ZNF442: variants seen among roughly 807,000 people sequenced by gnomAD.
The protein encoded by ZNF442 is zinc finger protein 442.
Under a neutral mutation model 57.0 loss-of-function variants are expected in ZNF442, and 45 were observed. That is an observed-to-expected ratio of 0.79 (90% CI 0.62 to 1.01). The LOEUF is 1.01. Ranked by LOEUF, ZNF442 falls within the 50% of genes least tolerant of loss-of-function variation. The probability of loss-of-function intolerance (pLI) is 0.00; values close to 1 mark genes in which losing one functional copy is unlikely to be tolerated. For missense variants in ZNF442, 690 were observed against 756.5 expected, an observed-to-expected ratio of 0.91 and a Z score of 1.03; for synonymous variants, 213 against 241.8, an observed-to-expected ratio of 0.88 and a Z score of 1.10.
intron 3 of ZNF442, among the ~76,000 whole-genome samples, chr19:12,361,074 C>G (rs1298416637): frequency 6.6e-6 from 1 of 151,374 alleles, no homozygotes; most frequent in Non-Finnish European, 1.5e-5. Context: ...GCCTATAATC[C>G]CAGCTACTCG....
chr19:12,369,798 C>G (rs1969566586), upstream of ZNF442, among the ~76,000 whole-genome samples: 1 of 150,398 alleles, frequency 6.6e-6, no homozygotes, highest in South Asian at 2.1e-4. Flanking sequence ...CCCAGCTACT[C>G]AGGAGGCTGA....
Position 12,351,132 on chromosome 19 carries a change from C to T in ZNF442, c.453G>A (p.Lys151=), listed in dbSNP as rs756698924. The T allele has an allele frequency of 1.9e-6, 3 of 1,614,122 alleles. No individual in the cohort carries two copies. In the East Asian group the frequency reaches 6.7e-5, roughly 36 times the overall value. Residue 151 remains lysine (K), a synonymous_variant, in exon 6 of 6, where the codon AAG becomes AAA. Coordinates refer to ENST00000242804, the MANE Select transcript of ZNF442 (RefSeq NM_030824.3). ...TCCCACATTGTTTATGTGTATGTGG[C>T]TTCTCTCCATATTCCTGACACTCAT... ...KPDECQEYGE[K]PHTHKQCGTA... is the part of the protein sequence containing the mutation.
the ZNF442 span, among the ~76,000 whole-genome samples, chr19:12,370,972 C>CAA: frequency 3.0e-5 from 2 of 66,072 alleles, no homozygotes; most frequent in Non-Finnish European, 3.0e-5. Flanking sequence ...GACCCCATCT[C>CAA]AAAAAAAAAA....
At chr19:12,369,964 A>G (rs1969568041), upstream of ZNF442, among the ~76,000 whole-genome samples, 1 of 151,482 alleles carries the variant, frequency 6.6e-6, no homozygotes, top group Admixed American at 6.6e-5. Context: ...GGGGATTTTC[A>G]TCTTACAATA....
Position 12,350,722 on chromosome 19 carries a change from G to A in ZNF442, c.863C>T (p.Thr288Ile). The A allele has an allele frequency of 6.2e-7, 1 of 1,614,090 alleles. No homozygotes were observed. Residue 288 changes from threonine to isoleucine, a missense_variant, in exon 6 of 6, where the codon ACT becomes ATT. Thr to Ile is a moderately conservative substitution (Grantham distance 89). Transcript: ENST00000242804. The stretch of plus-strand genomic sequence containing the variant: ...TTTACATTTATAGGGTTTTTCTCCA[G>A]TGTGAGTTCTTTCATGTCTTACATA... ...SSYVRHERTH[T>I]GEKPYKCKRC...
intron 1 of ZNF442, 58 bp downstream of exon 1, chr19:12,365,475 T>C: frequency 2.3e-6 from 1 of 437,710 alleles, no homozygotes; most frequent in Non-Finnish European, 4.2e-6. Flanking sequence ...CAGCCGGTTC[T>C]GGCCGGTTCC....
intron 3 of ZNF442, among the ~76,000 whole-genome samples, chr19:12,357,446 GGTT>G (rs1360061136): frequency 1.0e-4 from 15 of 150,408 alleles, no homozygotes; most frequent in African/African-American, 3.4e-4. Context: ...CCACCTCCTG[GGTT>G]CAAGCCATTC....
chr19:12,354,319 T>C (rs1969290245), intron 3 of ZNF442, among the ~76,000 whole-genome samples: 2 of 152,162 alleles, frequency 1.3e-5, no homozygotes, highest in Non-Finnish European at 2.9e-5. Flanking sequence ...ACCATCCCAA[T>C]GCAAGAATTT....
rs747262893 is a variant in ZNF442, at chr19:12,347,162, T to C, written c.*2539A>G. ...TATTTGAGATATATTTCACTACAAGTTATTCTCATGAATACTTCAATGAAA... is the reference window on the plus strand; with the variant it reads ...TATTTGAGATATATTTCACTACAAGCTATTCTCATGAATACTTCAATGAAA... On this transcript the variant is annotated 3_prime_UTR_variant, in exon 6 of 6. Transcript: ENST00000242804. 5 of 152,192 alleles carry C rather than the reference T, an allele frequency of 3.3e-5. No homozygotes were observed. Among genetic ancestry groups the C allele is most frequent in the African/African-American group, 1.2e-4 (5 of 41,446 alleles). The allele number at this position is 152,192 out of a possible 1,614,324, so 9.4% of individuals were successfully genotyped here.
At position 12,346,315 on chromosome 19, in the gene ZNF442, T is replaced by C. The variant is rs529516360; in HGVS notation, c.*3386A>G. 2 of 152,064 alleles carry C rather than the reference T, an allele frequency of 1.3e-5. No individual in the cohort carries two copies. Among genetic ancestry groups the C allele is most frequent in the Non-Finnish European group, 2.9e-5 (2 of 67,998 alleles). The allele number at this position is 152,064 out of a possible 1,614,324, so 9.4% of individuals were successfully genotyped here. On this transcript the variant is annotated 3_prime_UTR_variant, in exon 6 of 6. Coordinates refer to ENST00000242804, the MANE Select transcript of ZNF442 (RefSeq NM_030824.3). ...AAAACAAACTGGTTCAAAAAATATA[T>C]AAACAACCAACAAAAACAAAAACCA... is the stretch of plus-strand genomic sequence containing the variant.
At chr19:12,367,260 A>G (rs532454164), upstream of ZNF442, among the ~76,000 whole-genome samples, 224 of 152,320 alleles carry the variant, frequency 1.5e-3, 1 homozygote, top group African/African-American at 5.1e-3. Flanking sequence ...GGCAGGTTCC[A>G]TGATGCCCAC....
chr19:12,359,538 C>T (rs1969388890), intron 3 of ZNF442, among the ~76,000 whole-genome samples: 2 of 152,098 alleles, frequency 1.3e-5, no homozygotes, highest in Middle Eastern at 3.2e-3. Flanking sequence ...GAACAAAATA[C>T]ATCTAAAGAA....
upstream of ZNF442, among the ~76,000 whole-genome samples, chr19:12,369,438 G>T (rs1969563441): frequency 6.6e-6 from 1 of 152,128 alleles, no homozygotes; most frequent in Non-Finnish European, 1.5e-5. Flanking sequence ...GACCGACATG[G>T]AGAAACCCCA....
intron 3 of ZNF442, among the ~76,000 whole-genome samples, chr19:12,354,087 C>T (rs1015792017): frequency 2.5e-4 from 38 of 152,204 alleles, no homozygotes; most frequent in African/African-American, 8.9e-4. Flanking sequence ...TTATAAGCAA[C>T]AAAAAACACA....
Position 12,362,300 on chromosome 19 carries a change from G to T in ZNF442, c.78+1254C>A, listed in dbSNP as rs565789917. Among the ~76,000 whole-genome samples, 582 of 151,472 alleles carry T rather than the reference G, an allele frequency of 3.8e-3. 7 individuals are homozygous for T. The highest frequency in any genetic ancestry group is 0.013 in the African/African-American group (551 of 41,124). On this transcript the variant is annotated intron_variant, in intron 3 of 5. Coordinates refer to ENST00000242804, the MANE Select transcript of ZNF442 (RefSeq NM_030824.3). The stretch of plus-strand genomic sequence containing the variant: ...GAGCATCTCTGCCCAGCTGCCCATC[G>T]TCTGAGATGTGGGGAGCGCCTCTGC...
intron 3 of ZNF442, among the ~76,000 whole-genome samples, chr19:12,363,158 CAAAAAAA>C (rs886442784): frequency 1.3e-4 from 8 of 60,684 alleles, no homozygotes; most frequent in East Asian, 1.4e-3. Flanking sequence ...AGCTCCGTCT[CAAAAAAA>C]AAAAAAAAAA....
chr19:12,346,895 CACAG>C lies in ZNF442; in HGVS notation c.*2802_*2805del, dbSNP rs1969139940. On this transcript the variant is annotated 3_prime_UTR_variant, in exon 6 of 6. Coordinates refer to ENST00000242804, the MANE Select transcript of ZNF442 (RefSeq NM_030824.3). ...CTCTCTCTCTATGAATAGTCAAATTCACAGACAGAGAAAGTAGAATGGAGATTTT... is the reference window on the plus strand; with the variant it reads ...CTCTCTCTCTATGAATAGTCAAATTCACAGAGAAAGTAGAATGGAGATTTT... 6.6e-6 allele frequency: 1 copy of C among 152,172 alleles called. No homozygotes were observed. The highest frequency in any genetic ancestry group is 6.5e-5 in the Admixed American group (1 of 15,278). The allele number at this position is 152,172 out of a possible 1,614,324, so 9.4% of individuals were successfully genotyped here.
chr19:12,354,582 G>A (rs75576862), intron 3 of ZNF442, among the ~76,000 whole-genome samples: 4 of 149,796 alleles, frequency 2.7e-5, no homozygotes, highest in Non-Finnish European at 5.9e-5. Context: ...TTTTTTTTTG[G>A]AGGGGGGAGA....
chr19:12,361,620 G>GA lies in ZNF442; in HGVS notation c.78+1933dup, dbSNP rs149958741. Among the ~76,000 whole-genome samples, 230 of 150,080 alleles carry GA rather than the reference G, an allele frequency of 1.5e-3. 1 individual carries two copies. The highest frequency in any genetic ancestry group is 5.4e-3 in the African/African-American group (220 of 40,722). The stretch of plus-strand genomic sequence containing the variant: ...GAGAAACTTACTTGACAGACTGGGG[G>GA]AAAAAAAAAGTAAATGAAGGGTTTT... On this transcript the variant is annotated intron_variant, in intron 3 of 5. Transcript: ENST00000242804.
Sources: gnomAD v4.1 joint callset for allele counts (sites outside exome capture counted in the v4.1 genomes callset) on GRCh38, gnomAD v4.1.1 for gene constraint, MANE v1.5 for transcripts, NCBI Gene and HGNC (gene_info 2026-07-23, HGNC 2026-07-21) for gene names.